The following XKR9 variants were observed in gnomAD, a reference collection of about 807,000 sequenced individuals.
XKR9 encodes the protein XK-related protein 9.
XKR9 carries 32 observed loss-of-function variants against 32.0 expected under a neutral mutation model. That is an observed-to-expected ratio of 1.00 (90% CI 0.76 to 1.34). The LOEUF (loss-of-function observed/expected upper bound fraction) is 1.34. Ranked by LOEUF, XKR9 falls within the 40% of genes most tolerant of loss-of-function variation. The pLI is 0.00. For missense variants in XKR9, 546 were observed against 429.7 expected (o/e 1.27, Z -2.39); for synonymous variants, 168 against 143.4 (o/e 1.17, Z -1.22).
At chr8:70,769,058 G>A (rs968258292) in intron 2 of XKR9, among the ~76,000 whole-genome samples, 2 of 152,014 alleles carry the variant, frequency 1.3e-5, no homozygotes, top group Admixed American at 6.6e-5. Context: ...TTTTTATAGT[G>A]GCTGGTACCT....
the XKR9 span, among the ~76,000 whole-genome samples, chr8:70,838,942 C>A: frequency 2.0e-5 from 3 of 152,046 alleles, no homozygotes; most frequent in African/African-American, 7.2e-5. Flanking sequence ...AATTTGATGG[C>A]AAATCTTTTA....
chr8:70,776,633 G>T (rs1002295369), intron 2 of XKR9, among the ~76,000 whole-genome samples: 2 of 151,960 alleles, frequency 1.3e-5, no homozygotes, highest in Non-Finnish European at 2.9e-5. Flanking sequence ...ACACTTGGCT[G>T]CAGGGAAAAG....
At position 70,735,632 on chromosome 8, in the gene XKR9, G is replaced by T. The variant is rs1806841678; in HGVS notation, c.*1208G>T. ...TCCCCCCTCCCCCCACCCCACAACA[G>T]TCCCCAGAGTGTGATGATCCCCTTC... On this transcript the variant is annotated 3_prime_UTR_variant, in exon 5 of 5. Coordinates refer to ENST00000408926, the MANE Select transcript of XKR9 (RefSeq NM_001011720.2). 9.4e-6 allele frequency: 1 copy of T among 106,492 alleles called. No homozygotes were observed. Among genetic ancestry groups the T allele is most frequent in the South Asian group, 3.1e-4 (1 of 3,264 alleles). 6.6% of individuals were successfully genotyped at this position (106,492 alleles called of 1,614,324 possible).
chr8:71,035,332 G>C, the XKR9 span, among the ~76,000 whole-genome samples: 10 of 152,228 alleles, frequency 6.6e-5, no homozygotes, highest in African/African-American at 2.4e-4. Flanking sequence ...TAACCTCATT[G>C]TTCTCTACTT....
chr8:70,880,191 G>C, the XKR9 span, among the ~76,000 whole-genome samples: 3 of 152,150 alleles, frequency 2.0e-5, no homozygotes, highest in Admixed American at 6.5e-5. Flanking sequence ...AAAACTGGAA[G>C]CATTCCCTTT....
At chr8:71,064,987 C>A in the XKR9 span, among the ~76,000 whole-genome samples, 1 of 152,096 alleles carries the variant, frequency 6.6e-6, no homozygotes, top group African/African-American at 2.4e-5. Context: ...GCTATATGAC[C>A]TTGGGCCAGC....
chr8:70,810,843 AGACTTTAACACCCC>A, the XKR9 span, among the ~76,000 whole-genome samples: 1 of 152,206 alleles, frequency 6.6e-6, no homozygotes, highest in Non-Finnish European at 1.5e-5. Flanking sequence ...TAATAATGGG[AGACTTTAACACCCC>A]ACTGTCAACA....
At chr8:70,749,831 A>T (rs1307854872) in intron 2 of XKR9, among the ~76,000 whole-genome samples, 1 of 152,254 alleles carries the variant, frequency 6.6e-6, no homozygotes, top group Admixed American at 6.5e-5. Context: ...TAAGACAAGT[A>T]GGTTTAATCC....
chr8:70,962,736 A>T, the XKR9 span, among the ~76,000 whole-genome samples: 1 of 152,126 alleles, frequency 6.6e-6, no homozygotes, highest in African/African-American at 2.4e-5. Context: ...TTTTTTTGGT[A>T]AAGTCACACA....
At chr8:70,901,399 C>G in the XKR9 span, among the ~76,000 whole-genome samples, 2 of 152,208 alleles carry the variant, frequency 1.3e-5, no homozygotes, top group Admixed American at 1.3e-4. Context: ...TTGCATTTCT[C>G]TGATGGCCAG....
At chr8:70,995,487 ATCT>A in the XKR9 span, among the ~76,000 whole-genome samples, 7 of 152,086 alleles carry the variant, frequency 4.6e-5, no homozygotes, top group South Asian at 1.5e-3. Context: ...TCTCATTCTA[ATCT>A]TCTTAAAACC....
chr8:70,817,244 G>C, the XKR9 span, among the ~76,000 whole-genome samples: 3 of 152,160 alleles, frequency 2.0e-5, no homozygotes, highest in South Asian at 2.1e-4. Context: ...TACACCAAAA[G>C]CCTCCTAGAA....
At chr8:70,813,731 A>T in the XKR9 span, among the ~76,000 whole-genome samples, 9,060 of 152,344 alleles carry the variant, frequency 0.059, 409 homozygotes, top group Non-Finnish European at 0.089. Flanking sequence ...TGCAAATCAA[A>T]ACCGCAATGA....
chr8:70,695,966 T>G (rs1351259172), intron 3 of XKR9, among the ~76,000 whole-genome samples: 2 of 152,090 alleles, frequency 1.3e-5, no homozygotes, highest in African/African-American at 4.8e-5. Flanking sequence ...TTTGGTTGCA[T>G]AAATAAATGT....
At chr8:70,757,520 T>A (rs1288352252) in intron 2 of XKR9, among the ~76,000 whole-genome samples, 2 of 152,118 alleles carry the variant, frequency 1.3e-5, no homozygotes, top group African/African-American at 4.8e-5. Flanking sequence ...TATAATATTG[T>A]CAATATATCT....
chr8:70,847,857 A>T, the XKR9 span, among the ~76,000 whole-genome samples: 1 of 152,194 alleles, frequency 6.6e-6, no homozygotes, highest in African/African-American at 2.4e-5. Flanking sequence ...AAAGCCCTGG[A>T]CTTGATGGCT....
At chr8:70,964,228 C>T in the XKR9 span, among the ~76,000 whole-genome samples, 1 of 152,146 alleles carries the variant, frequency 6.6e-6, no homozygotes, top group South Asian at 2.1e-4. Context: ...ATAAGGAATC[C>T]TTTCCCAGTT....
chr8:70,927,446 G>T, the XKR9 span, among the ~76,000 whole-genome samples: 1 of 152,094 alleles, frequency 6.6e-6, no homozygotes, highest in Admixed American at 6.5e-5. Flanking sequence ...ATAAATAATA[G>T]AAACTTATTT....
At chr8:70,975,078 A>G in the XKR9 span, among the ~76,000 whole-genome samples, 112 of 152,026 alleles carry the variant, frequency 7.4e-4, no homozygotes, top group African/African-American at 2.7e-3. Flanking sequence ...CCACTTTTTG[A>G]TGGGGTTGAT....
Sources: allele counts gnomAD v4.1 joint callset (sites outside exome capture counted in the v4.1 genomes callset), GRCh38; gene constraint gnomAD v4.1.1; transcripts MANE v1.5; gene names NCBI Gene and HGNC (gene_info 2026-07-23, HGNC 2026-07-21).